Variants in WLS observed in about 807,000 individuals in gnomAD.
WLS encodes the protein Wnt ligand secretion mediator.
A neutral mutation model predicts 62.8 loss-of-function variants in WLS; 23 were observed. That is an observed-to-expected ratio of 0.37 (90% confidence interval 0.26 to 0.52). The LOEUF is 0.52. WLS is among the 20% of genes least tolerant of loss of function. The pLI is 0.92. For missense variants in WLS, 615 were observed against 697.3 expected (o/e 0.88, Z 1.33); for synonymous variants, 246 against 244.1 (o/e 1.01, Z -0.07).
At chr1:68,226,068 T>C (rs1027731383) in intron 1 of WLS, among the ~76,000 whole-genome samples, 1 of 152,218 alleles carries the variant, frequency 6.6e-6, no homozygotes, top group South Asian at 2.1e-4. Flanking sequence ...AGGCACTTTT[T>C]GGGTCTGTAC....
At chr1:68,196,974 A>G (rs1648700460) in intron 1 of WLS, among the ~76,000 whole-genome samples, 1 of 152,176 alleles carries the variant, frequency 6.6e-6, no homozygotes, top group African/African-American at 2.4e-5. Flanking sequence ...CAGTGAGACA[A>G]AAGTCATGAA....
intron 11 of WLS, among the ~76,000 whole-genome samples, chr1:68,099,205 A>T (rs924264330): frequency 1.2e-4 from 18 of 151,302 alleles, no homozygotes; most frequent in African/African-American, 2.4e-5. Flanking sequence ...ATTTATTTTT[A>T]TTTTTTTTTA....
exon 12 of WLS, chr1:68,098,638 A>G (rs768709941): frequency 1.2e-6 from 2 of 1,613,862 alleles, no homozygotes; most frequent in Non-Finnish European, 1.7e-6. Context: ...TGACTCAAAT[A>G]CCAGAAGCTG....
chr1:68,154,245 C>T (rs368203544), intron 4 of WLS, among the ~76,000 whole-genome samples: 3 of 152,138 alleles, frequency 2.0e-5, no homozygotes, highest in Non-Finnish European at 4.4e-5. Flanking sequence ...ACCCTCACAT[C>T]TTACTAATCT....
At chr1:68,224,235 G>C (rs974023715) in intron 1 of WLS, among the ~76,000 whole-genome samples, 4 of 152,130 alleles carry the variant, frequency 2.6e-5, no homozygotes, top group Admixed American at 2.0e-4. Flanking sequence ...AAACTTGAAG[G>C]CCCAGGATTT....
At chr1:68,136,406 A>G (rs1396421119) in intron 11 of WLS, among the ~76,000 whole-genome samples, 1 of 152,186 alleles carries the variant, frequency 6.6e-6, no homozygotes, top group African/African-American at 2.4e-5. Context: ...TGGAAAGTAG[A>G]CTCATGATCC....
intron 11 of WLS, among the ~76,000 whole-genome samples, chr1:68,135,305 CT>C (rs71581156): frequency 0.17 from 11,223 of 66,800 alleles, 209 homozygotes; most frequent in East Asian, 0.25. Flanking sequence ...CCATGCCTGG[CT>C]TTTTTTTTTT....
In WLS at chr1:68,126,316, A is replaced by C; in HGVS notation, c.1536T>G (p.Ser512Arg). The C allele has an allele frequency of 6.2e-7, 1 of 1,613,980 alleles. No homozygotes were observed. Among genetic ancestry groups the C allele is most frequent in the East Asian group, 2.2e-5 (1 of 44,858 alleles). Residue 512 changes from serine (S) to arginine (R), a missense_variant, in exon 12 of 12, where the codon AGT becomes AGG. By Grantham distance (110) the Ser-to-Arg change is moderately radical (BLOSUM62 -1). Transcript: ENST00000262348. ...TGGTGGTGAGCTGGAGTTCTTCCCC[A>C]CTATGGACACCCAGATCGCCTGAAA... ...DQSNGDLGVH[S>R]GEELQLTTTI...
intron 2 of WLS, among the ~76,000 whole-genome samples, chr1:68,181,316 C>T (rs1462504500): frequency 1.3e-5 from 2 of 152,194 alleles, no homozygotes; most frequent in African/African-American, 2.4e-5. Flanking sequence ...CTGCTCTTCA[C>T]ATTAGTCAAT....
intron 11 of WLS, among the ~76,000 whole-genome samples, chr1:68,131,628 A>G (rs560091716): frequency 6.6e-6 from 1 of 152,282 alleles, no homozygotes; most frequent in African/African-American, 2.4e-5. Context: ...GGAGAAGAAC[A>G]CAATAGAACT....
intron 2 of WLS, among the ~76,000 whole-genome samples, chr1:68,185,927 C>T (rs908752868): frequency 1.3e-5 from 2 of 152,150 alleles, no homozygotes; most frequent in African/African-American, 4.8e-5. Context: ...TCCCTCCTGG[C>T]TGTTGGTGGG....
intron 2 of WLS, chr1:68,162,248 C>A (rs1194020700): frequency 6.4e-6 from 10 of 1,552,222 alleles, no homozygotes; most frequent in African/African-American, 1.4e-5. Context: ...AGAGCTTGTG[C>A]TAAGGCTTTC....
rs765686886 is a variant in WLS, at chr1:68,148,675, A to G, written c.973-15T>C. On this transcript the variant is annotated splice_polypyrimidine_tract_variant and intron_variant, in intron 6 of 11. Transcript: ENST00000262348. ...TCGTGCTGATCCTGAGGAAAACCAA[A>G]TTGAGAAGGGAGATAGAGGGGAGAG... 1.2e-6 allele frequency: 2 copies of G among 1,612,254 alleles called. No individual in the cohort carries two copies. The highest frequency in any genetic ancestry group is 1.7e-6 in the Non-Finnish European group (2 of 1,179,168).
chr1:68,157,581 T>TG (rs1646916998), intron 3 of WLS, among the ~76,000 whole-genome samples: 1 of 574 alleles, frequency 1.7e-3, no homozygotes, highest in Admixed American at 0.038. Context: ...GCAACTTGAC[T>TG]TTTTTTTTTT....
At chr1:68,212,906 A>G (rs927600978) in intron 1 of WLS, among the ~76,000 whole-genome samples, 1 of 152,220 alleles carries the variant, frequency 6.6e-6, no homozygotes, top group Non-Finnish European at 1.5e-5. Context: ...ACCACAGATG[A>G]ACAGATTATC....
chr1:68,111,964 G>A (rs1646233918), intron 11 of WLS, among the ~76,000 whole-genome samples: 1 of 152,234 alleles, frequency 6.6e-6, no homozygotes, highest in African/African-American at 2.4e-5. Flanking sequence ...TCTCAGAACC[G>A]TGCATGCAGT....
In WLS at chr1:68,135,256, C is replaced by T. The variant is rs112162522; in HGVS notation, c.1516+2524G>A. The stretch of plus-strand genomic sequence containing the variant: ...CCTTGGGCTCAAGGGATCCTTCTGC[C>T]TCAGCCTCCTGAATATCTGGGACTA... On this transcript the variant is annotated intron_variant, in intron 11 of 11. Transcript: ENST00000262348. Among the ~76,000 whole-genome samples the T allele has an allele frequency of 4.0e-3, 606 of 151,604 alleles. 3 individuals are homozygous for T. Among genetic ancestry groups the T allele is most frequent in the Non-Finnish European group, 6.6e-3 (446 of 67,954 alleles).
chr1:68,135,527 A>T (rs1014216066), intron 11 of WLS, among the ~76,000 whole-genome samples: 1 of 152,126 alleles, frequency 6.6e-6, no homozygotes, highest in African/African-American at 2.4e-5. Context: ...CAGAGGGTTA[A>T]GTGTTTTGCC....
chr1:68,204,666 A>G (rs1166585304), intron 1 of WLS, among the ~76,000 whole-genome samples: 1 of 152,214 alleles, frequency 6.6e-6, no homozygotes, highest in Non-Finnish European at 1.5e-5. Context: ...GCAATTATTT[A>G]GTATTTTAAA....
Sources: gnomAD v4.1 joint callset for allele counts (sites outside exome capture counted in the v4.1 genomes callset) on GRCh38, gnomAD v4.1.1 for gene constraint, MANE v1.5 for transcripts, NCBI Gene and HGNC (gene_info 2026-07-23, HGNC 2026-07-21) for gene names.